Variants in PSMD5 observed in about 807,000 individuals in gnomAD.
PSMD5 encodes the protein 26S proteasome non-ATPase regulatory subunit 5.
A neutral mutation model predicts 52.1 loss-of-function variants in PSMD5; 40 were observed. That is an observed-to-expected ratio of 0.77 (90% CI 0.60 to 1.00). The LOEUF (loss-of-function observed/expected upper bound fraction) is 1.00, where lower values mean the gene tolerates loss of function less well. Ranked by LOEUF, PSMD5 falls within the 50% of genes least tolerant of loss-of-function variation. The pLI is 0.00. For synonymous variants in PSMD5, 211 were observed against 226.6 expected (o/e 0.93, Z 0.62); for missense variants, 575 against 605.2 (o/e 0.95, Z 0.52).
At chr9:120,838,369 A>G (rs896160712) in intron 1 of PSMD5, among the ~76,000 whole-genome samples, 4 of 152,252 alleles carry the variant, frequency 2.6e-5, no homozygotes, top group African/African-American at 4.8e-5. Flanking sequence ...CCAACGAGCC[A>G]AAGAGTTAAT....
intron 2 of PSMD5, 110 bp downstream of exon 2, chr9:120,833,202 G>T: frequency 7.8e-7 from 1 of 1,277,410 alleles, no homozygotes; most frequent in Non-Finnish European, 1.1e-6. Context: ...AGGGGGAGAA[G>T]GAAGAGGGAA....
Position 120,829,130 on chromosome 9 carries a change from T to G in PSMD5, c.640A>C (p.Arg214=). 1 of 1,606,218 alleles carries G rather than the reference T, an allele frequency of 6.2e-7. No homozygotes were observed. The highest frequency in any genetic ancestry group is 8.5e-7 in the Non-Finnish European group (1 of 1,176,096). The change falls in exon 5 of 10, where the codon AGA becomes CGA. Residue 214 remains arginine, a synonymous_variant. Transcript: ENST00000210313. ...TTSGLVTQLL[R]ELTGEDVLVR... is the part of the protein sequence containing the mutation. ...AACACATCCTCACCAGTCAGCTCTC[T>G]CAGGAGCTGGGTTACCAATCCACTT...
Position 120,829,223 on chromosome 9 carries a change from AAAAC to A in PSMD5, c.562-19_562-16del, listed in dbSNP as rs924725454. 1 of 1,566,146 alleles carries A rather than the reference AAAAC, an allele frequency of 6.4e-7. No homozygotes were observed. Among genetic ancestry groups the A allele is most frequent in the Non-Finnish European group, 8.6e-7 (1 of 1,161,324 alleles). ...TCTATAATTAGCTGAAATAAAAAAA[AAAAC>A]ACAGAAAAAAGAAAAAGGTCAAATC... is the stretch of plus-strand genomic sequence containing the variant. On this transcript the variant is annotated splice_polypyrimidine_tract_variant and intron_variant, in intron 4 of 9. Transcript: ENST00000210313.
In PSMD5 at chr9:120,818,127, A is replaced by T; in HGVS notation, c.1294T>A (p.Phe432Ile). ...ANQPWAQKLMFNSPGFVEYVV... is the reference protein window; with the variant it reads ...ANQPWAQKLMINSPGFVEYVV... ...TATTCTACAAAACCTGGACTGTTAA[A>T]CATAAGTTTCTGAGCCCAGGGTTGG... Residue 432 changes from phenylalanine to isoleucine, a missense_variant, in exon 10 of 10, where the codon TTT becomes ATT. Coordinates refer to ENST00000210313, the MANE Select transcript of PSMD5 (RefSeq NM_005047.4). 6.2e-7 allele frequency: 1 copy of T among 1,614,102 alleles called. No individual in the cohort carries two copies. Among genetic ancestry groups the T allele is most frequent in the Non-Finnish European group, 8.5e-7 (1 of 1,179,940 alleles).
chr9:120,831,718 C>T, intron 3 of PSMD5, 114 bp downstream of exon 3: 1 of 1,446,084 alleles, frequency 6.9e-7, no homozygotes, highest in Non-Finnish European at 9.2e-7. Flanking sequence ...TTGTAAATTC[C>T]ATTACGCAAA....
At chr9:120,835,947 C>T (rs1413632295) in intron 1 of PSMD5, among the ~76,000 whole-genome samples, 1 of 152,102 alleles carries the variant, frequency 6.6e-6, no homozygotes, top group African/African-American at 2.4e-5. Flanking sequence ...CACCATCGTC[C>T]ATCTCCAGAA....
At position 120,828,231 on chromosome 9, in the gene PSMD5, C is replaced by T. The variant is rs1047535993; in HGVS notation, c.671+868G>A. ...GCCAGGCTGGTCCTGAATTCCTGAC[C>T]TCAGGTAATCCATCCGCCTCAGCCT... On this transcript the variant is annotated intron_variant, in intron 5 of 9. Transcript: ENST00000210313. Among the ~76,000 whole-genome samples, 4 of 152,226 alleles carry T rather than the reference C, an allele frequency of 2.6e-5. No homozygotes were observed. The South Asian group carries it at 6.2e-4, about 24-fold the overall frequency.
At chr9:120,831,687 T>C (rs1345322707) in intron 3 of PSMD5, 145 bp downstream of exon 3, 5 of 1,293,212 alleles carry the variant, frequency 3.9e-6, no homozygotes, top group Middle Eastern at 3.8e-4. Context: ...CAACCATTTA[T>C]TTTACACAAT....
rs114396479 is a variant in PSMD5 at position 120,837,542 on chromosome 9, G to T, written c.174-4086C>A. On this transcript the variant is annotated intron_variant, in intron 1 of 9. Coordinates refer to ENST00000210313, the MANE Select transcript of PSMD5 (RefSeq NM_005047.4). The stretch of plus-strand genomic sequence containing the variant: ...ATGCTTTTGGTGTCATATTAAAGAA[G>T]TCTGTTTAACTCAAAGTCATACATT... 4.7e-3 allele frequency among the ~76,000 whole-genome samples: 721 copies of T among 152,256 alleles called. 5 individuals carry two copies. The highest frequency in any genetic ancestry group is 0.016 in the African/African-American group (685 of 41,550).
rs1564472844 is a variant in PSMD5 at position 120,817,563 on chromosome 9, GC to G, written c.*342del. The G allele has an allele frequency of 4.9e-6, 1 of 205,892 alleles. No homozygotes were observed. Among genetic ancestry groups the G allele is most frequent in the African/African-American group, 2.3e-5 (1 of 43,440 alleles). The allele number at this position is 205,892 out of a possible 1,614,324, so 12.8% of individuals were successfully genotyped here. On this transcript the variant is annotated 3_prime_UTR_variant, in exon 10 of 10. Coordinates refer to ENST00000210313, the MANE Select transcript of PSMD5 (RefSeq NM_005047.4). ...GGGAATTATAGGTGTTAGCCACCGC[GC>G]CCAGCCCTGAAGCAGGCTTTTAGAT... is the stretch of plus-strand genomic sequence containing the variant.
At chr9:120,831,610 A>G in intron 3 of PSMD5, 151 bp from the exon 4 acceptor site, 1 of 1,122,446 alleles carries the variant, frequency 8.9e-7, no homozygotes, top group Non-Finnish European at 1.2e-6. Flanking sequence ...TCCCCCATAG[A>G]ATTATGATGG....
At chr9:120,824,725 A>G (rs1435995892) in intron 6 of PSMD5, 40 bp from the exon 7 acceptor site, 1 of 1,510,732 alleles carries the variant, frequency 6.6e-7, no homozygotes, top group Non-Finnish European at 8.9e-7. Context: ...TAGGGGAACA[A>G]GACAGCATGA....
intron 6 of PSMD5, 81 bp from the exon 7 acceptor site, chr9:120,824,766 A>G: frequency 8.4e-7 from 1 of 1,192,096 alleles, no homozygotes; most frequent in Non-Finnish European, 1.2e-6. Flanking sequence ...ACAGGAACAG[A>G]AATGAACTGC....
At chr9:120,835,489 C>T (rs746997428) in intron 1 of PSMD5, among the ~76,000 whole-genome samples, 78 of 151,984 alleles carry the variant, frequency 5.1e-4, no homozygotes, top group Non-Finnish European at 9.9e-4. Context: ...CTTTGGGAGG[C>T]CATAGCAGGT....
At chr9:120,841,058 G>A (rs768683758) in intron 1 of PSMD5, among the ~76,000 whole-genome samples, 12 of 152,090 alleles carry the variant, frequency 7.9e-5, no homozygotes, top group Admixed American at 3.9e-4. Context: ...GGCCTACAAA[G>A]TGTTTTTAAT....
chr9:120,831,701 T>C (rs2045161238), intron 3 of PSMD5, 131 bp downstream of exon 3: 4 of 1,356,396 alleles, frequency 2.9e-6, no homozygotes, highest in Non-Finnish European at 4.0e-6. Context: ...ACACAATCCA[T>C]ATGAAGTTGT....
intron 9 of PSMD5, 39 bp from the exon 10 acceptor site, chr9:120,818,202 G>A: frequency 6.4e-7 from 1 of 1,569,010 alleles, no homozygotes; most frequent in South Asian, 1.2e-5. Flanking sequence ...TCCCCTGAGT[G>A]GAAGTTGTTT....
At position 120,824,699 on chromosome 9, in the gene PSMD5, C is replaced by A; in HGVS notation, c.815-14G>T. 6.3e-7 allele frequency: 1 copy of A among 1,578,376 alleles called. No homozygotes were observed. The highest frequency in any genetic ancestry group is 1.2e-5 in the South Asian group (1 of 85,112). ...ACTTCACGAATCCTAAAGAGATTTACAAAAATATATTTTAATAGGGGAACA... is the reference window on the plus strand; with the variant it reads ...ACTTCACGAATCCTAAAGAGATTTAAAAAAATATATTTTAATAGGGGAACA... On this transcript the variant is annotated splice_polypyrimidine_tract_variant and intron_variant, in intron 6 of 9. Coordinates refer to ENST00000210313, the MANE Select transcript of PSMD5 (RefSeq NM_005047.4).
At chr9:120,833,619 C>T (rs1248457451) in intron 1 of PSMD5, among the ~76,000 whole-genome samples, 163 bp from the exon 2 acceptor site, 3 of 151,602 alleles carry the variant, frequency 2.0e-5, no homozygotes, top group Admixed American at 6.6e-5. Context: ...ACCTATTATG[C>T]GCATTGCCTG....
Sources: allele counts gnomAD v4.1 joint callset (sites outside exome capture counted in the v4.1 genomes callset), GRCh38; gene constraint gnomAD v4.1.1; transcripts MANE v1.5; gene names NCBI Gene and HGNC (gene_info 2026-07-23, HGNC 2026-07-21).